Variants in VIPAS39 observed in about 807,000 individuals in gnomAD.
VIPAS39 encodes spermatogenesis-defective protein 39 homolog.
Under a neutral mutation model 84.7 loss-of-function variants are expected in VIPAS39, and 63 were observed. That is an observed-to-expected ratio of 0.74 (90% CI 0.61 to 0.92). VIPAS39 has a LOEUF of 0.92. VIPAS39 is among the 40% of genes least tolerant of loss of function. The pLI, the probability that VIPAS39 is intolerant of heterozygous loss-of-function variation, is 0.00. For synonymous variants in VIPAS39, 192 were observed against 216.5 expected (o/e 0.89, Z 0.99); for missense variants, 499 against 604.5 (o/e 0.83, Z 1.83).
At chr14:77,438,021 A>T in intron 11 of VIPAS39, 140 bp from the exon 12 acceptor site, 1 of 772,664 alleles carries the variant, frequency 1.3e-6, no homozygotes, top group Non-Finnish European at 2.2e-6. Context: ...GGGTGGGGGG[A>T]TAGGCAAAGA....
chr14:77,434,736 CA>C (rs796461189), intron 14 of VIPAS39, among the ~76,000 whole-genome samples: 384 of 138,848 alleles, frequency 2.8e-3, no homozygotes, highest in Non-Finnish European at 3.8e-3. Flanking sequence ...ACTAAAAATA[CA>C]AAAAAAAAAA....
At position 77,433,935 on chromosome 14, in the gene VIPAS39, G is replaced by A. The variant is rs907154954; in HGVS notation, c.1090-4C>T. The A allele has an allele frequency of 6.2e-7, 1 of 1,613,784 alleles. No individual in the cohort carries two copies. Among genetic ancestry groups the A allele is most frequent in the Non-Finnish European group, 8.5e-7 (1 of 1,179,932 alleles). ...GCACATACTGTTTATCTGGGATCTG[G>A]AAAGCAGAGACCGAGAAAAATTAAG... On this transcript the variant is annotated splice_polypyrimidine_tract_variant and splice_region_variant and intron_variant, in intron 15 of 19. Coordinates refer to ENST00000557658, the MANE Select transcript of VIPAS39 (RefSeq NM_001193315.2).
At chr14:77,441,192 A>C (rs1031157744) in intron 10 of VIPAS39, 99 bp from the exon 11 acceptor site, 3 of 1,327,070 alleles carry the variant, frequency 2.3e-6, no homozygotes, top group Non-Finnish European at 3.2e-6. Context: ...AACACAATTC[A>C]AACTCATTTC....
chr14:77,449,883 T>C, intron 4 of VIPAS39, 131 bp from the exon 5 acceptor site: 1 of 1,117,926 alleles, frequency 8.9e-7, no homozygotes, highest in Non-Finnish European at 1.3e-6. Context: ...AAAGGTTTTA[T>C]TCATCTGTAG....
chr14:77,435,084 T>C (rs1394671334), intron 14 of VIPAS39, 175 bp downstream of exon 14: 1 of 922,118 alleles, frequency 1.1e-6, no homozygotes, highest in East Asian at 2.5e-5. Flanking sequence ...AAACCTCTTT[T>C]CCCTCCTGGC....
chr14:77,438,171 C>T (rs1174904274), intron 11 of VIPAS39, among the ~76,000 whole-genome samples: 1 of 152,068 alleles, frequency 6.6e-6, no homozygotes, highest in Non-Finnish European at 1.5e-5. Context: ...TTTTAAAGAA[C>T]TCAACAGCTA....
chr14:77,435,171 A>T, intron 14 of VIPAS39, 88 bp downstream of exon 14: 12 of 1,588,194 alleles, frequency 7.6e-6, no homozygotes, highest in Non-Finnish European at 1.0e-5. Context: ...CATACCCATT[A>T]TTAATAGAGT....
intron 1 of VIPAS39, among the ~76,000 whole-genome samples, chr14:77,454,775 T>C (rs1346925479): frequency 6.6e-6 from 1 of 150,462 alleles, no homozygotes; most frequent in Admixed American, 6.6e-5. Flanking sequence ...GGCAGGCAAA[T>C]GTTATAAGAA....
At chr14:77,447,785 C>T (rs917282115) in intron 7 of VIPAS39, among the ~76,000 whole-genome samples, 15 of 152,224 alleles carry the variant, frequency 9.9e-5, no homozygotes, top group African/African-American at 3.1e-4. Flanking sequence ...CTCAGCCTCC[C>T]GAGTAGCTGG....
intron 12 of VIPAS39, among the ~76,000 whole-genome samples, chr14:77,437,211 C>G (rs2078626408): frequency 6.6e-6 from 1 of 152,184 alleles, no homozygotes; most frequent in South Asian, 2.1e-4. Context: ...TTGAAAGATA[C>G]AGGGAAGCAA....
intron 8 of VIPAS39, among the ~76,000 whole-genome samples, chr14:77,443,740 CA>C: frequency 6.6e-6 from 1 of 151,774 alleles, no homozygotes; most frequent in Non-Finnish European, 1.5e-5. Flanking sequence ...ACTAAAAATA[CA>C]AAAATTAGCT....
At chr14:77,428,495 T>C (rs779979806) in intron 18 of VIPAS39, 21 bp from the exon 19 acceptor site, 4 of 1,610,126 alleles carry the variant, frequency 2.5e-6, no homozygotes, top group African/African-American at 1.3e-5. Flanking sequence ...AAACAAACAA[T>C]ACAAACCTCC....
rs1332876096 is a variant in VIPAS39 at position 77,435,289 on chromosome 14, G to A, written c.1017C>T (p.Tyr339=). 1.9e-6 allele frequency: 3 copies of A among 1,613,974 alleles called. No homozygotes were observed. In the African/African-American group the frequency reaches 4.0e-5, roughly 22 times the overall value. Reference sequence around the variant, plus strand: ...CCTCTGTGTAGTGATAGAAGCAGGAGTAGAAAAGTGTTGTCACTAGTGGCA... The same window carrying A: ...CCTCTGTGTAGTGATAGAAGCAGGAATAGAAAAGTGTTGTCACTAGTGGCA... ...LNMPLVTTLF[Y]SCFYHYTEAE... The change falls in exon 14 of 20, where the codon TAC becomes TAT. Residue 339 remains tyrosine (Y), a synonymous_variant. Coordinates refer to ENST00000557658, the MANE Select transcript of VIPAS39 (RefSeq NM_001193315.2).
In VIPAS39 at chr14:77,454,010, C is replaced by T; in HGVS notation, c.93G>A (p.Gln31=). 1 of 1,614,102 alleles carries T rather than the reference C, an allele frequency of 6.2e-7. No homozygotes were observed. Among genetic ancestry groups the T allele is most frequent in the Non-Finnish European group, 8.5e-7 (1 of 1,179,988 alleles). Residue 31 remains glutamine, a splice_region_variant and synonymous_variant, in exon 2 of 20, where the codon CAG becomes CAA. Transcript: ENST00000557658. ...TFDDEDDELS[Q]LKESKRAVNS... Reference sequence around the variant, plus strand: ...GTACAAACTTCAGCAGTTGACCTACCTGTGAAAGCTCATCGTCTTCATCGT... The same window carrying T: ...GTACAAACTTCAGCAGTTGACCTACTTGTGAAAGCTCATCGTCTTCATCGT...
At chr14:77,445,588 T>C (rs2078775429) in intron 7 of VIPAS39, among the ~76,000 whole-genome samples, 1 of 152,136 alleles carries the variant, frequency 6.6e-6, no homozygotes, top group Non-Finnish European at 1.5e-5. Flanking sequence ...CACACCTGGC[T>C]AATTTTTATT....
chr14:77,427,739 G>C, intron 19 of VIPAS39, 103 bp from the exon 20 acceptor site: 1 of 1,487,066 alleles, frequency 6.7e-7, no homozygotes. Context: ...GATAATGTAA[G>C]GAAAAGAAAA....
chr14:77,451,123 A>G, intron 4 of VIPAS39, 64 bp downstream of exon 4: 2 of 1,607,174 alleles, frequency 1.2e-6, no homozygotes, highest in Admixed American at 3.3e-5. Context: ...AATGAAAATT[A>G]TGGCCTAAGA....
intron 10 of VIPAS39, among the ~76,000 whole-genome samples, chr14:77,442,290 T>C (rs1306803226): frequency 6.6e-6 from 1 of 152,174 alleles, no homozygotes; most frequent in Non-Finnish European, 1.5e-5. Flanking sequence ...AGAGGGTTGA[T>C]AACTTGGCCA....
At chr14:77,432,150 A>C (rs535976537) in intron 16 of VIPAS39, among the ~76,000 whole-genome samples, 1 of 152,288 alleles carries the variant, frequency 6.6e-6, no homozygotes, top group South Asian at 2.1e-4. Flanking sequence ...TAGATATGTT[A>C]ATTTGCTTCA....
Sources: allele counts gnomAD v4.1 joint callset (sites outside exome capture counted in the v4.1 genomes callset), GRCh38; gene constraint gnomAD v4.1.1; transcripts MANE v1.5; gene names NCBI Gene and HGNC (gene_info 2026-07-23, HGNC 2026-07-21).